Variants in TCF3 observed in about 807,000 individuals in gnomAD.
TCF3 encodes the protein transcription factor 3, also known as transcription factor E2-alpha.
In TCF3, 54 loss-of-function variants were observed where a neutral mutation model predicts 72.3. That is an observed-to-expected ratio of 0.75 (90% CI 0.60 to 0.94). TCF3 has a LOEUF of 0.94. TCF3 is among the 40% of genes least tolerant of loss of function. The pLI is 0.00. For missense variants in TCF3, 1,078 were observed against 934.4 expected (o/e 1.15, Z -2.00); for synonymous variants, 525 against 412.6 (o/e 1.27, Z -3.30).
intron 5 of TCF3, among the ~76,000 whole-genome samples, chr19:1,631,558 C>T (rs1054566292): frequency 5.9e-5 from 9 of 152,090 alleles, no homozygotes; most frequent in African/African-American, 1.9e-4. Context: ...CGTGAGCCAC[C>T]GAGCCCAACC....
At chr19:1,622,497 C>G (rs1344879844) in intron 8 of TCF3, 82 bp from the exon 9 acceptor site, 1 of 734,162 alleles carries the variant, frequency 1.4e-6, no homozygotes, top group African/African-American at 1.8e-5. Flanking sequence ...CCTCCTGTCC[C>G]CTCCTGGTAG....
chr19:1,644,203 T>C (rs983522557), intron 3 of TCF3, among the ~76,000 whole-genome samples: 2 of 152,166 alleles, frequency 1.3e-5, no homozygotes, highest in African/African-American at 4.8e-5. Context: ...TCGCTGAACC[T>C]GACGATGGAA....
In TCF3 at chr19:1,619,245, G is replaced by C; in HGVS notation, c.1327-11C>G. The C allele has an allele frequency of 6.3e-7, 1 of 1,586,186 alleles. No homozygotes were observed. On this transcript the variant is annotated splice_polypyrimidine_tract_variant and intron_variant, in intron 15 of 18. Transcript: ENST00000262965. ...GTGGCTGCCTCCAACCTGCAGGCGT[G>C]GGGAGACGGGTGCATCAGGGGGAGC...
At chr19:1,644,923 C>T (rs574753656) in intron 3 of TCF3, among the ~76,000 whole-genome samples, 1 of 152,214 alleles carries the variant, frequency 6.6e-6, no homozygotes, top group Admixed American at 6.5e-5. Context: ...TGACCCTCTG[C>T]CTCACACAGG....
At chr19:1,612,635 G>A (rs2061129554) in intron 18 of TCF3, among the ~76,000 whole-genome samples, 1 of 151,696 alleles carries the variant, frequency 6.6e-6, no homozygotes. Context: ...CAGCAGTGTG[G>A]GTACACGGCT....
intron 5 of TCF3, among the ~76,000 whole-genome samples, chr19:1,629,419 G>C (rs983018820): frequency 3.9e-5 from 6 of 152,186 alleles, no homozygotes; most frequent in African/African-American, 1.2e-4. Flanking sequence ...GCACTTCCCT[G>C]GGGCGCTCAG....
chr19:1,642,165 C>T (rs941521219), intron 3 of TCF3, among the ~76,000 whole-genome samples: 5 of 150,226 alleles, frequency 3.3e-5, no homozygotes, highest in Non-Finnish European at 5.9e-5. Flanking sequence ...CACACACACA[C>T]GCACGCGTAC....
intron 7 of TCF3, among the ~76,000 whole-genome samples, chr19:1,624,946 A>G (rs1455039331): frequency 1.3e-5 from 2 of 152,208 alleles, no homozygotes; most frequent in Admixed American, 1.3e-4. Flanking sequence ...CCCAGGGTCA[A>G]ACCATCCTCC....
intron 3 of TCF3, among the ~76,000 whole-genome samples, chr19:1,643,370 G>A (rs568360772): frequency 2.4e-4 from 37 of 152,134 alleles, no homozygotes; most frequent in Non-Finnish European, 4.4e-4. Context: ...CCAAGTGTGC[G>A]CCACCACGCC....
Position 1,632,104 on chromosome 19 carries a change from C to G in TCF3, c.232G>C (p.Gly78Arg). 1 of 1,613,210 alleles carries G rather than the reference C, an allele frequency of 6.2e-7. No homozygotes were observed. The highest frequency in any genetic ancestry group is 1.1e-5 in the South Asian group (1 of 90,918). ...SFDPSRTFSE[G>R]THFTESHSSL... is the part of the protein sequence containing the mutation. ...CTGTGCGACTCAGTGAAGTGGGTGC[C>G]CTCGCTGAAGGTCTAGGGGAGATGG... The change falls in exon 5 of 19, where the codon GGC (glycine) becomes CGC (arginine). Residue 78 changes from glycine (G) to arginine (R), a missense_variant. Physicochemically the swap from Gly to Arg is moderately radical, Grantham distance 125 (BLOSUM62 -2). Transcript: ENST00000262965.
Position 1,646,420 on chromosome 19 carries a change from G to A in TCF3, c.80C>T (p.Pro27Leu), listed in dbSNP as rs747413868. ...GCCCTTCCCGTTGGTGACAGGCAGC[G>A]GGAACATCTGCAGGGAGGGGAGGGG... ...SDLLDFSMMF[P>L]LPVTNGKGRP... Residue 27 changes from proline (P) to leucine (L), a missense_variant, in exon 3 of 19, where the codon CCG becomes CTG. Coordinates refer to ENST00000262965, the MANE Select transcript of TCF3 (RefSeq NM_003200.5). The A allele has an allele frequency of 3.2e-5, 49 of 1,550,066 alleles. No homozygotes were observed. Among genetic ancestry groups the A allele is most frequent in the Admixed American group, 5.9e-5 (3 of 50,964 alleles).
intron 8 of TCF3, among the ~76,000 whole-genome samples, chr19:1,623,178 G>A (rs182831416): frequency 1.3e-5 from 2 of 152,172 alleles, no homozygotes; most frequent in Admixed American, 1.3e-4. Context: ...GGGCTCTTGG[G>A]GCCAGCACAG....
At chr19:1,646,623 G>A (rs1412372026) in intron 2 of TCF3, among the ~76,000 whole-genome samples, 196 bp from the exon 3 acceptor site, 6 of 152,134 alleles carry the variant, frequency 3.9e-5, no homozygotes, top group African/African-American at 1.2e-4. Context: ...CTCAAGTGAC[G>A]CTGCACCCTG....
chr19:1,612,382 C>G (rs761914455), intron 18 of TCF3: 15 of 1,613,820 alleles, frequency 9.3e-6, no homozygotes, highest in Admixed American at 1.7e-5. Context: ...CCATGCGCCT[C>G]TCCCGGTCCC....
In TCF3 at chr19:1,614,218, C is replaced by T. The variant is rs2061323648; in HGVS notation, c.1822+1067G>A. On this transcript the variant is annotated intron_variant, in intron 18 of 18. Transcript: ENST00000262965. This position sits in a 1 kb window ranked among gnomAD's most constrained non-coding sequence, Gnocchi z 5.6. ...TCACCCACTTGCCTGCCCACCCTGC[C>T]TTAGGGGCCTGAGGGGATCCCTCCA... 6.6e-6 allele frequency among the ~76,000 whole-genome samples: 1 copy of T among 152,220 alleles called. No individual in the cohort carries two copies. The highest frequency in any genetic ancestry group is 6.5e-5 in the Admixed American group (1 of 15,288).
At chr19:1,628,362 G>A (rs1474925559) in intron 5 of TCF3, among the ~76,000 whole-genome samples, 1 of 3,112 alleles carries the variant, frequency 3.2e-4, no homozygotes. Context: ...CTCACAGGGG[G>A]TGAGGCGGGA....
intron 5 of TCF3, among the ~76,000 whole-genome samples, chr19:1,631,329 C>T (rs529115888): frequency 1.8e-4 from 27 of 151,818 alleles, no homozygotes; most frequent in African/African-American, 5.6e-4. Flanking sequence ...AGGGCAATGG[C>T]GTGATCTCGG....
intron 11 of TCF3, 92 bp downstream of exon 11, chr19:1,621,746 G>A: frequency 5.6e-6 from 8 of 1,428,562 alleles, no homozygotes; most frequent in South Asian, 2.9e-5. Context: ...ACGCGCCTGC[G>A]CCTCCCGTGG....
intron 6 of TCF3, among the ~76,000 whole-genome samples, chr19:1,625,954 C>A (rs2062827094): frequency 6.6e-6 from 1 of 152,224 alleles, no homozygotes; most frequent in East Asian, 1.9e-4. Flanking sequence ...GTGTGGCCAA[C>A]CCAAGGGGCT....
Sources: allele counts gnomAD v4.1 joint callset (sites outside exome capture counted in the v4.1 genomes callset), GRCh38; gene constraint gnomAD v4.1.1; non-coding constraint Gnocchi (gnomAD v3.1); transcripts MANE v1.5; gene names NCBI Gene and HGNC (gene_info 2026-07-23, HGNC 2026-07-21).